RGPD6: variants seen among roughly 807,000 people sequenced by gnomAD.
RGPD6 encodes RANBP2 like and GRIP domain containing 6, also known as RANBP2-like and GRIP domain-containing protein 5/6.
the RGPD6 span, among the ~76,000 whole-genome samples, chr2:110,591,492 A>G: frequency 4.7e-5 from 7 of 150,364 alleles, no homozygotes; most frequent in African/African-American, 1.7e-4. Context: ...TTTAGCAGAA[A>G]TATACTCACA....
At chr2:110,596,760 T>C in the RGPD6 span, among the ~76,000 whole-genome samples, 5 of 138,302 alleles carry the variant, frequency 3.6e-5, no homozygotes, top group Admixed American at 7.5e-5. Flanking sequence ...AGACAATCCA[T>C]GCACAGTGAA....
the RGPD6 span, chr2:110,610,848 G>A: frequency 3.0e-5 from 30 of 1,014,878 alleles, no homozygotes; most frequent in Non-Finnish European, 3.4e-5. Context: ...CGCGCGCTGC[G>A]ACGAAAGGCG....
the RGPD6 span, among the ~76,000 whole-genome samples, chr2:110,600,021 G>A: frequency 3.9e-5 from 6 of 152,096 alleles, no homozygotes; most frequent in East Asian, 5.8e-4. Context: ...TCTCCTGCAC[G>A]TAGACATGCT....
chr2:110,601,121 C>A, the RGPD6 span, among the ~76,000 whole-genome samples: 2 of 149,506 alleles, frequency 1.3e-5, no homozygotes, highest in Admixed American at 6.7e-5. Flanking sequence ...TACTTCACAG[C>A]CTGAGATAAA....
At chr2:110,597,046 T>C in the RGPD6 span, among the ~76,000 whole-genome samples, 159 of 94,708 alleles carry the variant, frequency 1.7e-3, 9 homozygotes, top group African/African-American at 7.3e-3. Context: ...TGGCGCAATC[T>C]AGGCTCACTG....
At chr2:110,609,832 T>G in the RGPD6 span, among the ~76,000 whole-genome samples, 11 of 102,634 alleles carry the variant, frequency 1.1e-4, no homozygotes, top group Admixed American at 1.9e-4. Flanking sequence ...TAGTGGGGGG[T>G]TGGGGGGAGC....
chr2:110,596,952 AATAT>A, the RGPD6 span, among the ~76,000 whole-genome samples: 1 of 92,786 alleles, frequency 1.1e-5, no homozygotes, highest in Admixed American at 1.3e-4. Context: ...TTATATATAT[AATAT>A]ATATAATATA....
At chr2:110,593,378 T>C in the RGPD6 span, among the ~76,000 whole-genome samples, 6 of 146,302 alleles carry the variant, frequency 4.1e-5, no homozygotes, top group Middle Eastern at 3.4e-3. Flanking sequence ...TTTTGCTTGT[T>C]TTGCTTTTCA....
At chr2:110,607,178 G>C in the RGPD6 span, among the ~76,000 whole-genome samples, 5 of 149,826 alleles carry the variant, frequency 3.3e-5, no homozygotes, top group African/African-American at 5.0e-5. Context: ...GGAGTGGAGG[G>C]GGCAGCCTTG....
the RGPD6 span, among the ~76,000 whole-genome samples, chr2:110,605,480 T>A: frequency 6.6e-6 from 1 of 150,956 alleles, no homozygotes; most frequent in East Asian, 1.9e-4. Context: ...TGTACTCTGT[T>A]TTGACCCATA....
the RGPD6 span, among the ~76,000 whole-genome samples, chr2:110,608,377 T>C: frequency 2.0e-5 from 3 of 150,664 alleles, no homozygotes; most frequent in Non-Finnish European, 2.9e-5. Context: ...ACTTACCCTT[T>C]CCAGGATTAA....
the RGPD6 span, among the ~76,000 whole-genome samples, chr2:110,606,982 A>G: frequency 6.6e-6 from 1 of 151,726 alleles, no homozygotes; most frequent in Non-Finnish European, 1.5e-5. Context: ...TCATCCTTGC[A>G]TCTCCCACAG....
the RGPD6 span, among the ~76,000 whole-genome samples, chr2:110,591,621 T>C: frequency 6.6e-6 from 1 of 151,268 alleles, no homozygotes; most frequent in Non-Finnish European, 1.5e-5. Flanking sequence ...TTCCATATGC[T>C]CACCTAACTG....
At chr2:110,606,230 G>GT in the RGPD6 span, among the ~76,000 whole-genome samples, 1 of 147,410 alleles carries the variant, frequency 6.8e-6, no homozygotes, top group East Asian at 2.0e-4. Flanking sequence ...TGTTAAACGT[G>GT]TATTTGTTAC....
the RGPD6 span, among the ~76,000 whole-genome samples, chr2:110,591,455 A>T: frequency 1.3e-5 from 2 of 151,242 alleles, no homozygotes; most frequent in East Asian, 3.9e-4. Context: ...CTAAAAAAAA[A>T]AAAGTCAAAT....
the RGPD6 span, among the ~76,000 whole-genome samples, chr2:110,605,274 A>T: frequency 9.0e-4 from 137 of 151,540 alleles, 3 homozygotes; most frequent in Middle Eastern, 0.02. Context: ...AAGCCACTCT[A>T]CTGAGAAGGC....
the RGPD6 span, among the ~76,000 whole-genome samples, chr2:110,605,541 A>G: frequency 7.3e-5 from 11 of 151,482 alleles, no homozygotes; most frequent in East Asian, 2.1e-3. Flanking sequence ...GCTTTACTGC[A>G]GCTGGAGGAA....
chr2:110,610,723 C>T, the RGPD6 span, among the ~76,000 whole-genome samples: 1 of 145,088 alleles, frequency 6.9e-6, no homozygotes, highest in African/African-American at 2.6e-5. Flanking sequence ...ACCACAGTGA[C>T]TCGAGGTCCC....
chr2:110,593,697 G>C, the RGPD6 span, among the ~76,000 whole-genome samples: 221 of 149,724 alleles, frequency 1.5e-3, 1 homozygote, highest in Non-Finnish European at 2.6e-3. Context: ...ATCTAAATGT[G>C]TCACATAAGA....
Sources: gnomAD v4.1 joint callset for allele counts (sites outside exome capture counted in the v4.1 genomes callset) on GRCh38, gnomAD v4.1.1 for gene constraint, MANE v1.5 for transcripts, NCBI Gene and HGNC (gene_info 2026-07-23, HGNC 2026-07-21) for gene names.